Variants in GALNT7 observed in about 807,000 individuals in gnomAD.
GALNT7 encodes N-acetylgalactosaminyltransferase 7.
GALNT7 carries 60 observed loss-of-function variants against 82.1 expected under a neutral mutation model. That is an observed-to-expected ratio of 0.73 (90% CI 0.59 to 0.91). The LOEUF (loss-of-function observed/expected upper bound fraction) is 0.91. GALNT7 is among the 40% of genes least tolerant of loss of function. The probability of loss-of-function intolerance (pLI) is 0.00; values close to 1 mark genes in which losing one functional copy is unlikely to be tolerated. For missense variants in GALNT7, 660 were observed against 804.2 expected, an observed-to-expected ratio of 0.82 and a Z score of 2.17; for synonymous variants, 243 against 275.1, an observed-to-expected ratio of 0.88 and a Z score of 1.15.
intron 1 of GALNT7, among the ~76,000 whole-genome samples, chr4:173,188,570 C>T (rs1732525641): frequency 6.6e-6 from 1 of 152,180 alleles, no homozygotes; most frequent in Non-Finnish European, 1.5e-5. Context: ...TAAAGAACAT[C>T]CAGTTTTCTT....
At chr4:173,204,789 T>A (rs771299248) in intron 1 of GALNT7, among the ~76,000 whole-genome samples, 16 of 152,260 alleles carry the variant, frequency 1.1e-4, no homozygotes, top group Non-Finnish European at 2.2e-4. Flanking sequence ...TGTCAGACAG[T>A]TCATATATCT....
At chr4:173,224,823 T>A (rs542762437) in intron 1 of GALNT7, among the ~76,000 whole-genome samples, 1 of 151,414 alleles carries the variant, frequency 6.6e-6, no homozygotes, top group Non-Finnish European at 1.5e-5. Flanking sequence ...CCATCCTGGC[T>A]AACACGGTGA....
intron 2 of GALNT7, among the ~76,000 whole-genome samples, chr4:173,264,827 A>T (rs1275442980): frequency 3.9e-5 from 6 of 152,282 alleles, no homozygotes; most frequent in Admixed American, 1.3e-4. Flanking sequence ...TCGAGCCTGA[A>T]CTTTGTGGCA....
At chr4:173,190,860 A>C (rs1732607267) in intron 1 of GALNT7, among the ~76,000 whole-genome samples, 1 of 152,184 alleles carries the variant, frequency 6.6e-6, no homozygotes, top group African/African-American at 2.4e-5. Flanking sequence ...TATGTGAGCT[A>C]TATCCTGTAT....
rs995572867 is a variant in GALNT7, at chr4:173,216,654, G to A, written c.127-31326G>A. Among the ~76,000 whole-genome samples, 5 of 146,724 alleles carry A rather than the reference G, an allele frequency of 3.4e-5. No individual in the cohort carries two copies. In the East Asian group the frequency reaches 9.9e-4, roughly 29 times the overall value. ...CCCAGGTGTGAGGGTTCCTGGGCTG[G>A]GCTGGGGCTACTGTCTTGTAGTTTC... On this transcript the variant is annotated intron_variant, in intron 1 of 11. Transcript: ENST00000265000.
intron 1 of GALNT7, among the ~76,000 whole-genome samples, chr4:173,214,231 T>G (rs970814951): frequency 2.6e-5 from 4 of 152,052 alleles, no homozygotes; most frequent in Non-Finnish European, 4.4e-5. Context: ...AGTTTAAGTG[T>G]TGTATCCTTT....
rs73001527 is a variant in GALNT7, at chr4:173,275,117, T to G, written c.588-16991T>G. Among the ~76,000 whole-genome samples the G allele has an allele frequency of 7.9e-3, 1,210 of 152,324 alleles. 17 individuals are homozygous for G. Among genetic ancestry groups the G allele is most frequent in the African/African-American group, 0.027 (1,135 of 41,570 alleles). On this transcript the variant is annotated intron_variant, in intron 2 of 11. Transcript: ENST00000265000. ...ATGGGGAGCATAACTTTCTCATTTTTGGGGGCTCATTAGGACACTAAGTGA... is the reference window on the plus strand; with the variant it reads ...ATGGGGAGCATAACTTTCTCATTTTGGGGGGCTCATTAGGACACTAAGTGA...
intron 1 of GALNT7, among the ~76,000 whole-genome samples, chr4:173,182,200 G>A (rs188041750): frequency 6.0e-4 from 92 of 152,230 alleles, no homozygotes; most frequent in African/African-American, 1.6e-3. Context: ...AACATGTCTT[G>A]TGTAATGATT....
intron 2 of GALNT7, among the ~76,000 whole-genome samples, chr4:173,269,291 G>T (rs144486112): frequency 1.3e-5 from 2 of 152,160 alleles, no homozygotes; most frequent in Admixed American, 1.3e-4. Flanking sequence ...TAAAGTGGCC[G>T]AGTTATTATT....
intron 2 of GALNT7, among the ~76,000 whole-genome samples, chr4:173,289,816 C>T (rs1440704787): frequency 6.6e-6 from 1 of 150,434 alleles, no homozygotes; most frequent in Non-Finnish European, 1.5e-5. Flanking sequence ...TTTTTTTTTT[C>T]CCCAGGTTGT....
At chr4:173,279,960 C>T (rs913973633) in intron 2 of GALNT7, among the ~76,000 whole-genome samples, 3 of 150,996 alleles carry the variant, frequency 2.0e-5, no homozygotes, top group African/African-American at 4.9e-5. Flanking sequence ...GGTGATAGAG[C>T]GAGACTCTGT....
intron 1 of GALNT7, among the ~76,000 whole-genome samples, chr4:173,173,159 G>C (rs1036734147): frequency 6.6e-6 from 1 of 152,108 alleles, no homozygotes; most frequent in African/African-American, 2.4e-5. Context: ...GGAGGCCTAG[G>C]ATGATAGATT....
chr4:173,198,089 T>G (rs1213076793), intron 1 of GALNT7, among the ~76,000 whole-genome samples: 1 of 151,952 alleles, frequency 6.6e-6, no homozygotes, highest in African/African-American at 2.4e-5. Context: ...AGACGGAGTC[T>G]CGCTCTGTCA....
At chr4:173,250,216 C>T (rs925039177) in intron 2 of GALNT7, among the ~76,000 whole-genome samples, 2 of 152,080 alleles carry the variant, frequency 1.3e-5, no homozygotes, top group East Asian at 3.9e-4. Context: ...AGGTATATAT[C>T]TCTCTCTCTG....
In GALNT7 at chr4:173,248,316, C is replaced by G. The variant is rs1375946172; in HGVS notation, c.463C>G (p.Pro155Ala). 6.2e-7 allele frequency: 1 copy of G among 1,613,282 alleles called. No individual in the cohort carries two copies. ...VVGGPGEKAK[P>A]LVLGPEFKQA... ...TGGTGGCCCTGGAGAGAAAGCCAAG[C>G]CATTGGTTTTGGGACCAGAATTCAA... is the stretch of plus-strand genomic sequence containing the variant. Residue 155 changes from proline (P) to alanine (A), a missense_variant, in exon 2 of 12, where the codon CCA (proline) becomes GCA (alanine). Coordinates refer to ENST00000265000, the MANE Select transcript of GALNT7 (RefSeq NM_017423.3).
At chr4:173,169,085 G>A (rs1731744381) in intron 1 of GALNT7, 124 bp downstream of exon 1, 2 of 877,576 alleles carry the variant, frequency 2.3e-6, no homozygotes, top group Non-Finnish European at 3.2e-6. Flanking sequence ...TCCGCAGGTG[G>A]TGCTGGCGCA....
intron 3 of GALNT7, among the ~76,000 whole-genome samples, chr4:173,295,193 A>G (rs900840392): frequency 6.6e-6 from 1 of 152,226 alleles, no homozygotes; most frequent in Non-Finnish European, 1.5e-5. Flanking sequence ...TAATTCTCAG[A>G]CTAACCAGTT....
At position 173,304,069 on chromosome 4, in the gene GALNT7, G is replaced by A; in HGVS notation, c.1340G>A (p.Trp447Ter). The change falls in exon 8 of 12, where the codon TGG (tryptophan) becomes TAG (stop). Residue 447 changes from tryptophan to a stop codon, truncating the protein, a stop_gained. Coordinates refer to ENST00000265000, the MANE Select transcript of GALNT7 (RefSeq NM_017423.3). LOFTEE classifies it high-confidence loss of function. ...RVGHIYRLEG[W>*]QGNPPPIYVG... is the part of the protein sequence containing the mutation. ...GGACATATCTACCGTCTTGAGGGCT[G>A]GCAAGGAAATCCTCCGCCCATTTAT... is the stretch of plus-strand genomic sequence containing the variant. The A allele has an allele frequency of 6.2e-7, 1 of 1,613,174 alleles. No homozygotes were observed. The highest frequency in any genetic ancestry group is 8.5e-7 in the Non-Finnish European group (1 of 1,179,416).
At chr4:173,245,806 T>G (rs1734607712) in intron 1 of GALNT7, among the ~76,000 whole-genome samples, 2 of 152,204 alleles carry the variant, frequency 1.3e-5, no homozygotes, top group African/African-American at 2.4e-5. Context: ...CCTTACACTT[T>G]ACTTAGTTAA....
Sources: gnomAD v4.1 joint callset for allele counts (sites outside exome capture counted in the v4.1 genomes callset) on GRCh38, gnomAD v4.1.1 for gene constraint, MANE v1.5 for transcripts, NCBI Gene and HGNC (gene_info 2026-07-23, HGNC 2026-07-21) for gene names.